The following NEMP2 variants were observed in gnomAD, a reference collection of about 807,000 sequenced individuals.
NEMP2 encodes UPF0571 transmembrane protein.
NEMP2 carries 53 observed loss-of-function variants against 54.2 expected under a neutral mutation model. The ratio of observed to expected loss-of-function variants is 0.98; its 90% CI spans 0.78 to 1.23. The LOEUF is 1.23. Ranked by LOEUF, NEMP2 falls within the 50% of genes most tolerant of loss-of-function variation. The probability of loss-of-function intolerance (pLI) is 0.00; values close to 1 mark genes in which losing one functional copy is unlikely to be tolerated. For missense variants in NEMP2, 455 were observed against 511.3 expected (o/e 0.89, Z 1.06); for synonymous variants, 197 against 190.3 (o/e 1.04, Z -0.29).
rs774045004 is a variant in NEMP2, at chr2:190,516,254, T to A, written c.727+16A>T. On this transcript the variant is annotated intron_variant, in intron 6 of 8. Coordinates refer to ENST00000409150, the MANE Select transcript of NEMP2 (RefSeq NM_001142645.2). The stretch of plus-strand genomic sequence containing the variant: ...TTTTACCAATCACAGAGCATATTGT[T>A]TTTCTATTTACCTACCTAATACATA... The A allele has an allele frequency of 4.6e-6, 7 of 1,522,868 alleles. No individual in the cohort carries two copies. In the African/African-American group the frequency reaches 9.7e-5, roughly 21 times the overall value. 94.3% of individuals were successfully genotyped at this position (1,522,868 alleles called of 1,614,324 possible).
the NEMP2 span, among the ~76,000 whole-genome samples, chr2:190,457,172 C>T: frequency 6.6e-6 from 1 of 152,102 alleles, no homozygotes; most frequent in Non-Finnish European, 1.5e-5. This position sits in a 1 kb window ranked among gnomAD's most constrained non-coding sequence, Gnocchi z 5.1. Flanking sequence ...TAGCACATTG[C>T]TATTACCTAC....
the NEMP2 span, among the ~76,000 whole-genome samples, chr2:190,432,534 A>T: frequency 6.6e-6 from 1 of 152,118 alleles, no homozygotes; most frequent in Non-Finnish European, 1.5e-5. Context: ...CTCTTGCCTC[A>T]GCCTCTAAAG....
rs137857892 is a variant in NEMP2, at chr2:190,526,047, A to G, written c.98-669T>C. On this transcript the variant is annotated intron_variant, in intron 1 of 8. Coordinates refer to ENST00000409150, the MANE Select transcript of NEMP2 (RefSeq NM_001142645.2). ...GTTCAGTAAAGATATGGACAGGGTT[A>G]AGGCACTAACAATAAGGCACTAACA... is the stretch of plus-strand genomic sequence containing the variant. Among the ~76,000 whole-genome samples, 14 of 152,252 alleles carry G rather than the reference A, an allele frequency of 9.2e-5. No homozygotes were observed. In the East Asian group the frequency reaches 2.7e-3, roughly 29 times the overall value.
chr2:190,646,231 C>G, the NEMP2 span, among the ~76,000 whole-genome samples: 7 of 152,216 alleles, frequency 4.6e-5, no homozygotes, highest in African/African-American at 1.7e-4. Flanking sequence ...ACTGTTTGAT[C>G]TCTTCCAGAG....
At chr2:190,559,298 G>T in the NEMP2 span, among the ~76,000 whole-genome samples, 1 of 152,220 alleles carries the variant, frequency 6.6e-6, no homozygotes, top group South Asian at 2.1e-4. This position sits in a 1 kb window ranked among gnomAD's most constrained non-coding sequence, Gnocchi z 4.0. Flanking sequence ...AAGTGATTTT[G>T]AAGTATATGG....
At chr2:190,539,541 A>G (rs908059106), upstream of NEMP2, among the ~76,000 whole-genome samples, 2 of 152,150 alleles carry the variant, frequency 1.3e-5, no homozygotes, top group African/African-American at 4.8e-5. The surrounding 1 kb of genome is among the most constrained non-coding windows in gnomAD (Gnocchi z 4.1). Context: ...TTTGGGCAGT[A>G]TGGACATTTT....
chr2:190,478,472 GA>G, the NEMP2 span, among the ~76,000 whole-genome samples: 717 of 152,336 alleles, frequency 4.7e-3, 4 homozygotes, highest in Non-Finnish European at 7.6e-3. Flanking sequence ...CTGCATCACA[GA>G]AATACATTTC....
At chr2:190,535,441 ATGAT>A (rs1286995957), upstream of NEMP2, among the ~76,000 whole-genome samples, 6 of 151,058 alleles carry the variant, frequency 4.0e-5, no homozygotes, top group Admixed American at 4.0e-4. Context: ...TATAACCTGA[ATGAT>A]CTTAATACTG....
At chr2:190,646,184 G>GT in the NEMP2 span, among the ~76,000 whole-genome samples, 1 of 152,254 alleles carries the variant, frequency 6.6e-6, no homozygotes, top group Non-Finnish European at 1.5e-5. Context: ...TCTTACACCT[G>GT]TCTGGGATGC....
At position 190,519,192 on chromosome 2, in the gene NEMP2, C is replaced by G; in HGVS notation, c.214-9G>C. 6.6e-7 allele frequency: 1 copy of G among 1,503,890 alleles called. No individual in the cohort carries two copies. Among genetic ancestry groups the G allele is most frequent in the Non-Finnish European group, 9.0e-7 (1 of 1,109,490 alleles). 93.2% of individuals were successfully genotyped at this position (1,503,890 alleles called of 1,614,324 possible). A position where few individuals can be genotyped will look rare whatever the true frequency, so the allele number is the denominator to read the frequency against. ...GGACTGGTAATTTTCACCTGTAAAA[C>G]AAGAACAAGCAAATCCATAAACAGA... On this transcript the variant is annotated splice_polypyrimidine_tract_variant and intron_variant, in intron 2 of 8. Transcript: ENST00000409150. This position sits in a 1 kb window ranked among gnomAD's most constrained non-coding sequence, Gnocchi z 5.4.
the NEMP2 span, among the ~76,000 whole-genome samples, chr2:190,636,543 AAGCGTATG>A: frequency 6.6e-6 from 1 of 152,216 alleles, no homozygotes; most frequent in African/African-American, 2.4e-5. Flanking sequence ...AATCATCACT[AAGCGTATG>A]TCGTAATGAC....
chr2:190,462,930 G>C, the NEMP2 span, among the ~76,000 whole-genome samples: 1 of 152,136 alleles, frequency 6.6e-6, no homozygotes, highest in African/African-American at 2.4e-5. This position sits in a 1 kb window ranked among gnomAD's most constrained non-coding sequence, Gnocchi z 5.7. Context: ...ACTAGAGGAG[G>C]GTACCATGAT....
chr2:190,534,247 C>A (rs925530734), intron 1 of NEMP2: 6 of 1,113,522 alleles, frequency 5.4e-6, no homozygotes, highest in South Asian at 8.6e-5. Context: ...AGCTGTGTGA[C>A]CCTGGGCAAA....
the NEMP2 span, chr2:190,464,838 A>G: frequency 1.2e-6 from 1 of 810,202 alleles, no homozygotes; most frequent in Non-Finnish European, 1.5e-6. Flanking sequence ...AGTATATGGT[A>G]GATAGTGGCA....
At chr2:190,450,871 G>A in the NEMP2 span, among the ~76,000 whole-genome samples, 1 of 152,108 alleles carries the variant, frequency 6.6e-6, no homozygotes, top group Non-Finnish European at 1.5e-5. Flanking sequence ...ATAAACTTTC[G>A]GTTACATTTG....
In NEMP2 at chr2:190,518,753, A is replaced by C. The variant is rs974990327; in HGVS notation, c.501T>G (p.Tyr167Ter). 1 of 1,544,394 alleles carries C rather than the reference A, an allele frequency of 6.5e-7. No homozygotes were observed. The highest frequency in any genetic ancestry group is 8.7e-7 in the Non-Finnish European group (1 of 1,145,354). Residue 167 changes from tyrosine to a stop codon, truncating the protein, a stop_gained, in exon 4 of 9, where the codon TAT becomes TAG. Transcript: ENST00000409150. LOFTEE classifies it high-confidence loss of function. ...ATACTTACTGACTCAGGGTCCTTGC[A>C]TAAAAGAAAAGAAAAACTCCTGCCA... ...VFVAGVFLFF[Y>*]ARTLSQSPTF...
chr2:190,630,166 C>A, the NEMP2 span, among the ~76,000 whole-genome samples: 1 of 152,220 alleles, frequency 6.6e-6, no homozygotes, highest in Non-Finnish European at 1.5e-5. This position sits in a 1 kb window ranked among gnomAD's most constrained non-coding sequence, Gnocchi z 5.5. Context: ...CCCAGGAAAG[C>A]TTCACCAAAG....
the NEMP2 span, among the ~76,000 whole-genome samples, chr2:190,428,654 C>CATTTATTTATTTATTTAT: frequency 9.2e-6 from 1 of 108,330 alleles, no homozygotes; most frequent in Non-Finnish European, 1.8e-5. Flanking sequence ...GAGATGCTTG[C>CATTTATTTATTTATTTAT]TTATTTATTT....
chr2:190,645,806 G>C, the NEMP2 span, among the ~76,000 whole-genome samples: 27,862 of 152,108 alleles, frequency 0.18, 2,966 homozygotes, highest in East Asian at 0.36. Context: ...AAATAATATA[G>C]TCTCATTCCT....
Sources: gnomAD v4.1 joint callset for allele counts (sites outside exome capture counted in the v4.1 genomes callset) on GRCh38, gnomAD v4.1.1 for gene constraint, Gnocchi (gnomAD v3.1) non-coding constraint, MANE v1.5 for transcripts, NCBI Gene and HGNC (gene_info 2026-07-23, HGNC 2026-07-21) for gene names.